The following GCN1 variants were observed in gnomAD, a reference collection of about 807,000 sequenced individuals.
GCN1 encodes the protein stalled ribosome sensor GCN1.
In GCN1, 90 loss-of-function variants were observed where a neutral mutation model predicts 288.4. The ratio of observed to expected loss-of-function variants is 0.31; its 90% CI spans 0.26 to 0.37. The LOEUF (loss-of-function observed/expected upper bound fraction) is 0.37, where lower values mean the gene tolerates loss of function less well. Ranked by LOEUF, GCN1 falls within the 10% of genes least tolerant of loss-of-function variation. The pLI is 1.00. For missense variants in GCN1, 2,586 were observed against 3,419.9 expected (o/e 0.76, Z 6.08); for synonymous variants, 1,386 against 1,420.2 (o/e 0.98, Z 0.54).
chr12:120,147,953 T>G (rs1299363423), intron 37 of GCN1, among the ~76,000 whole-genome samples: 1 of 152,188 alleles, frequency 6.6e-6, no homozygotes, highest in Non-Finnish European at 1.5e-5. Context: ...ATAATGTCAT[T>G]CAGTTCTGTT....
chr12:120,154,532 C>T lies in GCN1; in HGVS notation c.3701+438G>A, dbSNP rs571580048. 1.5e-4 allele frequency among the ~76,000 whole-genome samples: 23 copies of T among 152,358 alleles called. No individual in the cohort carries two copies. In the Middle Eastern group the frequency reaches 0.01, roughly 68 times the overall value. On this transcript the variant is annotated intron_variant, in intron 31 of 57. Transcript: ENST00000300648. ...CCCAGACATCTGTCTAATCCTCCAACTGCTACTCATGGGCTCTGTGGAGAA... is the reference window on the plus strand; with the variant it reads ...CCCAGACATCTGTCTAATCCTCCAATTGCTACTCATGGGCTCTGTGGAGAA...
chr12:120,184,731 G>T, intron 3 of GCN1, 93 bp downstream of exon 3: 2 of 914,912 alleles, frequency 2.2e-6, no homozygotes, highest in Non-Finnish European at 1.8e-6. Flanking sequence ...TTTGGCACCA[G>T]GCAGTCTGGC....
In GCN1 at chr12:120,170,278, G is replaced by A. The variant is rs767430504; in HGVS notation, c.1410C>T (p.Ile470=). The A allele has an allele frequency of 1.2e-6, 2 of 1,614,100 alleles. No homozygotes were observed. Among genetic ancestry groups the A allele is most frequent in the South Asian group, 2.2e-5 (2 of 91,082 alleles). ...LQALDLLPLL[I]QTVEKAASQS... ...GGGAGGCTGCCTTCTCCACTGTCTG[G>A]ATGAGCAAGGGCAGTAAGTCCAGGG... The change falls in exon 15 of 58, where the codon ATC becomes ATT. Residue 470 remains isoleucine (I), a synonymous_variant. Transcript: ENST00000300648.
In GCN1 at chr12:120,161,479, C is replaced by T. The variant is rs767521975; in HGVS notation, c.2436+11G>A. 1.9e-5 allele frequency: 30 copies of T among 1,592,604 alleles called. No homozygotes were observed. The highest frequency in any genetic ancestry group is 6.7e-5 in the Admixed American group (4 of 59,920). Reference sequence around the variant, plus strand: ...AGCAGCCACCTTCCGTAAGTGCCTCCGTGTACTCACCTCCTTCAGCTCCAG... The same window carrying T: ...AGCAGCCACCTTCCGTAAGTGCCTCTGTGTACTCACCTCCTTCAGCTCCAG... On this transcript the variant is annotated intron_variant, in intron 22 of 57. Coordinates refer to ENST00000300648, the MANE Select transcript of GCN1 (RefSeq NM_006836.2).
Position 120,127,880 on chromosome 12 carries a change from G to A in GCN1, c.7985C>T (p.Thr2662Met), listed in dbSNP as rs374148105. 1.9e-5 allele frequency: 31 copies of A among 1,613,928 alleles called. No homozygotes were observed. The African/African-American group carries it at 2.7e-4, about 14-fold the overall frequency. Reference protein sequence around the residue: ...LKKLASQADSTEQVDDTILT With the variant: ...LKKLASQADSMEQVDDTILT ...CAGGATGGTGTCGTCCACCTGCTCC[G>A]TGGAGTCGGCCTGGCTGGCCAGCTT... The change falls in exon 58 of 58, where the codon ACG becomes ATG. Residue 2662 changes from threonine to methionine, a missense_variant. Around this residue, in one of 8 missense-constraint regions of GCN1, gnomAD observed 355 missense variants for 431.1 expected, o/e 0.82. Transcript: ENST00000300648.
chr12:120,189,432 G>A (rs1240754671), intron 2 of GCN1, among the ~76,000 whole-genome samples: 13 of 138,846 alleles, frequency 9.4e-5, no homozygotes, highest in East Asian at 6.5e-4. Flanking sequence ...GCATAATCTC[G>A]GCTCACTGCA....
At chr12:120,181,060 T>C (rs996136484) in intron 5 of GCN1, among the ~76,000 whole-genome samples, 2 of 151,992 alleles carry the variant, frequency 1.3e-5, no homozygotes, top group African/African-American at 2.4e-5. Context: ...GCTGATAAAT[T>C]CCATTTGCAT....
chr12:120,136,167 T>C (rs1876997618), intron 51 of GCN1, among the ~76,000 whole-genome samples: 1 of 152,224 alleles, frequency 6.6e-6, no homozygotes, highest in Non-Finnish European at 1.5e-5. Context: ...ACTGAGTGCT[T>C]AGTATGTAGC....
At chr12:120,178,992 G>A (rs750558513) in intron 5 of GCN1, 42 bp from the exon 6 acceptor site, 43 of 1,514,720 alleles carry the variant, frequency 2.8e-5, no homozygotes, top group Non-Finnish European at 3.9e-5. Context: ...TGGGACATGA[G>A]ACTGAGGGTC....
rs61739356 is a variant in GCN1 at position 120,178,643 on chromosome 12, G to A, written c.642C>T (p.Asp214=). The A allele has an allele frequency of 1.7e-3, 2,673 of 1,614,170 alleles. 36 individuals are homozygous for A. The African/African-American group carries it at 0.03, about 18-fold the overall frequency. ...VQFCTSHKEM[D]VVSQHKSALL... ...CACTTGCCTTGTGCTGACTGACCAC[G>A]TCCATCTCCTTGTGACTCGTGCAGA... The change falls in exon 7 of 58, where the codon GAC becomes GAT. Residue 214 remains aspartate, a synonymous_variant. Transcript: ENST00000300648.
At chr12:120,170,815 C>A (rs1032529508) in intron 14 of GCN1, among the ~76,000 whole-genome samples, 8 of 151,758 alleles carry the variant, frequency 5.3e-5, no homozygotes, top group African/African-American at 1.9e-4. Context: ...CCTTCGGACC[C>A]AAATTCTAAA....
intron 12 of GCN1, among the ~76,000 whole-genome samples, chr12:120,174,642 T>A (rs1451893613): frequency 6.6e-6 from 1 of 150,892 alleles, no homozygotes; most frequent in Non-Finnish European, 1.5e-5. Flanking sequence ...TACAAAAAAA[T>A]TAGCTGGATG....
At chr12:120,185,598 G>GC (rs994834897) in intron 2 of GCN1, among the ~76,000 whole-genome samples, 2 of 151,932 alleles carry the variant, frequency 1.3e-5, no homozygotes, top group South Asian at 2.1e-4. Context: ...TGTTATTAAG[G>GC]CCCCCCCGCC....
chr12:120,129,266 A>T lies in GCN1; in HGVS notation c.7890+10T>A, dbSNP rs1472212499. The T allele has an allele frequency of 6.2e-7, 1 of 1,602,006 alleles. No homozygotes were observed. Among genetic ancestry groups the T allele is most frequent in the Non-Finnish European group, 8.5e-7 (1 of 1,169,630 alleles). ...ACAGCACATCCTGGTGAGGCCCCCC[A>T]GGCTCCCACCTGAAACACCTCTTCA... On this transcript the variant is annotated intron_variant, in intron 57 of 57. Coordinates refer to ENST00000300648, the MANE Select transcript of GCN1 (RefSeq NM_006836.2).
rs1299240505 is a variant in GCN1, at chr12:120,149,601, C to T, written c.4546+5G>A. 1 of 1,601,886 alleles carries T rather than the reference C, an allele frequency of 6.2e-7. No individual in the cohort carries two copies. On this transcript the variant is annotated splice_donor_5th_base_variant and intron_variant, in intron 36 of 57. Transcript: ENST00000300648. ...TGGGAAGAGAGGCAGAGCGAGTGGTCTTACCAGCTTTGGTCCGCCACGATT... is the reference window on the plus strand; with the variant it reads ...TGGGAAGAGAGGCAGAGCGAGTGGTTTTACCAGCTTTGGTCCGCCACGATT...
chr12:120,147,326 G>C, intron 37 of GCN1, 54 bp from the exon 38 acceptor site: 1 of 976,782 alleles, frequency 1.0e-6, no homozygotes, highest in Non-Finnish European at 1.5e-6. Context: ...CAGCTGCAAG[G>C]CCCCTGGGCC....
rs192315096 is a variant in GCN1 at position 120,144,119 on chromosome 12, G to A, written c.5495+187C>T. ...AGCCTCCTGTGTAGCTGGGATTACA[G>A]GTGTGCACCACCATTCCCAGCTAAT... is the stretch of plus-strand genomic sequence containing the variant. On this transcript the variant is annotated intron_variant, in intron 42 of 57. Coordinates refer to ENST00000300648, the MANE Select transcript of GCN1 (RefSeq NM_006836.2). This position sits in a 1 kb window ranked among gnomAD's most constrained non-coding sequence, Gnocchi z 4.7. Among the ~76,000 whole-genome samples, 323 of 152,326 alleles carry A rather than the reference G, an allele frequency of 2.1e-3. No homozygotes were observed. The highest frequency in any genetic ancestry group is 6.5e-3 in the African/African-American group (272 of 41,588).
chr12:120,149,023 A>G (rs1317058472), intron 36 of GCN1, among the ~76,000 whole-genome samples: 1 of 147,420 alleles, frequency 6.8e-6, no homozygotes, highest in Non-Finnish European at 1.5e-5. Context: ...GTCTTGCTAT[A>G]TTGCCCAGGC....
At position 120,134,527 on chromosome 12, in the gene GCN1, C is replaced by T; in HGVS notation, c.7202+6G>A. On this transcript the variant is annotated splice_donor_region_variant and intron_variant, in intron 52 of 57. Coordinates refer to ENST00000300648, the MANE Select transcript of GCN1 (RefSeq NM_006836.2). This position sits in a 1 kb window ranked among gnomAD's most constrained non-coding sequence, Gnocchi z 5.0. ...AGGCCACAGTGCTCCCTTGCCAGCG[C>T]CGTACCTGACACCTGGGTCCTCCAT... is the stretch of plus-strand genomic sequence containing the variant. 6.2e-7 allele frequency: 1 copy of T among 1,612,320 alleles called. No homozygotes were observed. Among genetic ancestry groups the T allele is most frequent in the Non-Finnish European group, 8.5e-7 (1 of 1,178,504 alleles).
Sources: allele counts gnomAD v4.1 joint callset (sites outside exome capture counted in the v4.1 genomes callset), GRCh38; gene constraint gnomAD v4.1.1; regional missense constraint gnomAD v4.1.1; non-coding constraint Gnocchi (gnomAD v3.1); transcripts MANE v1.5; gene names NCBI Gene and HGNC (gene_info 2026-07-23, HGNC 2026-07-21).